ARFGEF2: variants seen among roughly 807,000 people sequenced by gnomAD.
ARFGEF2 encodes ARF guanine nucleotide exchange factor 2.
A neutral mutation model predicts 219.9 loss-of-function variants in ARFGEF2; 74 were observed. That is an observed-to-expected ratio of 0.34 (90% CI 0.28 to 0.41). ARFGEF2 has a LOEUF of 0.41. ARFGEF2 is among the 10% of genes least tolerant of loss of function. The probability of loss-of-function intolerance (pLI) is 1.00; values close to 1 mark genes in which losing one functional copy is unlikely to be tolerated. For synonymous variants in ARFGEF2, 733 were observed against 799.2 expected, an observed-to-expected ratio of 0.92 and a Z score of 1.40; for missense variants, 1,743 against 2,218.3, an observed-to-expected ratio of 0.79 and a Z score of 4.30.
In ARFGEF2 at chr20:48,978,788, A is replaced by G. The variant is rs369016763; in HGVS notation, c.1958+2589A>G. ...GGCTCTCAGTTTGTCTCTTATTGGC[A>G]TAAAGGAATACTTGTGATTTTTGCA... On this transcript the variant is annotated intron_variant, in intron 14 of 38. Coordinates refer to ENST00000371917, the MANE Select transcript of ARFGEF2 (RefSeq NM_006420.3). 1.1e-4 allele frequency among the ~76,000 whole-genome samples: 16 copies of G among 152,232 alleles called. 1 individual carries two copies. The highest frequency in any genetic ancestry group is 8.3e-4 in the South Asian group (4 of 4,822).
At chr20:48,997,265 T>TATTGATTG (rs11471982) in intron 23 of ARFGEF2, among the ~76,000 whole-genome samples, 26,582 of 150,856 alleles carry the variant, frequency 0.18, 2,423 homozygotes, top group African/African-American at 0.19. Flanking sequence ...ATATCTTATG[T>TATTGATTG]ATTGATTGAT....
intron 2 of ARFGEF2, among the ~76,000 whole-genome samples, chr20:48,941,516 A>G (rs901181353): frequency 2.0e-5 from 3 of 152,318 alleles, no homozygotes; most frequent in East Asian, 3.9e-4. Flanking sequence ...TGTCTCTTGT[A>G]TGGCCTGCTT....
intron 13 of ARFGEF2, 39 bp downstream of exon 13, chr20:48,974,913 A>G (rs779221816): frequency 2.0e-6 from 3 of 1,519,730 alleles, no homozygotes; most frequent in Non-Finnish European, 2.7e-6. Context: ...TCCATTCATA[A>G]TAGGCTCCTA....
intron 14 of ARFGEF2, among the ~76,000 whole-genome samples, chr20:48,980,659 G>C (rs2091289603): frequency 2.0e-5 from 3 of 152,166 alleles, no homozygotes; most frequent in Non-Finnish European, 4.4e-5. Context: ...TATGAATCTA[G>C]GTGCTCCCGT....
intron 34 of ARFGEF2, 85 bp downstream of exon 34, chr20:49,019,083 T>A: frequency 2.6e-6 from 3 of 1,157,152 alleles, no homozygotes; most frequent in Non-Finnish European, 3.8e-6. Context: ...GTAAACATGA[T>A]AAGCCTTCTT....
At position 49,018,874 on chromosome 20, in the gene ARFGEF2, T is replaced by C; in HGVS notation, c.4510-10T>C. The C allele has an allele frequency of 6.2e-7, 1 of 1,609,834 alleles. No individual in the cohort carries two copies. Among genetic ancestry groups the C allele is most frequent in the Non-Finnish European group, 8.5e-7 (1 of 1,176,308 alleles). On this transcript the variant is annotated splice_polypyrimidine_tract_variant and intron_variant, in intron 33 of 38. Coordinates refer to ENST00000371917, the MANE Select transcript of ARFGEF2 (RefSeq NM_006420.3). ...AGTGAGCATTGTGTTTCCCTCTGGT[T>C]TACATTTAGGATGTGGATCTGGACC...
intron 28 of ARFGEF2, among the ~76,000 whole-genome samples, chr20:49,012,359 C>T (rs1196701641): frequency 6.6e-6 from 1 of 152,170 alleles, no homozygotes; most frequent in Non-Finnish European, 1.5e-5. Context: ...TGTATTTTGG[C>T]AAAGCTCAAG....
chr20:49,029,104 C>T (rs1303435759), intron 37 of ARFGEF2, among the ~76,000 whole-genome samples: 1 of 152,150 alleles, frequency 6.6e-6, no homozygotes, highest in Non-Finnish European at 1.5e-5. Context: ...ATCATATAAC[C>T]AGGATGTGCC....
At chr20:48,977,505 C>T (rs891285242) in intron 14 of ARFGEF2, among the ~76,000 whole-genome samples, 1 of 152,178 alleles carries the variant, frequency 6.6e-6, no homozygotes, top group Non-Finnish European at 1.5e-5. Flanking sequence ...AATGGGATCG[C>T]TGAGTCAAAT....
At chr20:49,026,109 C>T (rs1039233635) in intron 36 of ARFGEF2, among the ~76,000 whole-genome samples, 2 of 151,278 alleles carry the variant, frequency 1.3e-5, no homozygotes, top group Non-Finnish European at 2.9e-5. Flanking sequence ...CTAAGGCAGG[C>T]GGATTGCTTG....
rs977446877 is a variant in ARFGEF2 at position 49,035,571 on chromosome 20, G to C, written c.*2372G>C. Reference sequence around the variant, plus strand: ...ATCTCTTCTTTCTCATGGTAAATGTGGCTTGTGCCACTCAAACACTAGTGA... The same window carrying C: ...ATCTCTTCTTTCTCATGGTAAATGTCGCTTGTGCCACTCAAACACTAGTGA... On this transcript the variant is annotated 3_prime_UTR_variant, in exon 39 of 39. Transcript: ENST00000371917. 2.6e-5 allele frequency: 4 copies of C among 152,112 alleles called. No individual in the cohort carries two copies. Among genetic ancestry groups the C allele is most frequent in the African/African-American group, 4.8e-5 (2 of 41,422 alleles). The allele number at this position is 152,112 out of a possible 1,614,324, so 9.4% of individuals were successfully genotyped here. A position where few individuals can be genotyped will look rare whatever the true frequency, so the allele number is the denominator to read the frequency against.
At chr20:48,974,710 G>A (rs1284967483) in intron 12 of ARFGEF2, 56 bp from the exon 13 acceptor site, 1 of 1,421,712 alleles carries the variant, frequency 7.0e-7, no homozygotes, top group African/African-American at 1.4e-5. Flanking sequence ...CCTCGTAGAT[G>A]TCTGTTCTCT....
At chr20:48,962,768 C>A (rs1390689373) in intron 6 of ARFGEF2, among the ~76,000 whole-genome samples, 2 of 152,196 alleles carry the variant, frequency 1.3e-5, no homozygotes, top group African/African-American at 4.8e-5. Flanking sequence ...ATACTTAGCA[C>A]TGCCCTCCGG....
chr20:48,955,503 G>A (rs1479087872), intron 6 of ARFGEF2, among the ~76,000 whole-genome samples: 1 of 152,204 alleles, frequency 6.6e-6, no homozygotes, highest in Non-Finnish European at 1.5e-5. Flanking sequence ...AATGGTGCCT[G>A]GCACACGCAG....
intron 1 of ARFGEF2, 93 bp downstream of exon 1, chr20:48,922,103 C>T: frequency 6.8e-7 from 1 of 1,479,300 alleles, no homozygotes; most frequent in Non-Finnish European, 9.0e-7. Flanking sequence ...TCCTGGCCTC[C>T]GCTTCCCCCC....
chr20:48,950,811 AAT>A (rs71184245), intron 3 of ARFGEF2, among the ~76,000 whole-genome samples: 1,351 of 64,214 alleles, frequency 0.021, 43 homozygotes, highest in East Asian at 0.037. Flanking sequence ...AAAAAAAAAA[AAT>A]ATATATATAT....
At chr20:48,993,975 GA>G (rs992428956) in intron 21 of ARFGEF2, among the ~76,000 whole-genome samples, 22 of 151,388 alleles carry the variant, frequency 1.5e-4, no homozygotes, top group Non-Finnish European at 2.4e-4. Flanking sequence ...TAAGCACTAA[GA>G]AAAAAAAAGT....
At chr20:48,931,587 G>A (rs2123281037) in intron 1 of ARFGEF2, among the ~76,000 whole-genome samples, 1 of 152,192 alleles carries the variant, frequency 6.6e-6, no homozygotes, top group African/African-American at 2.4e-5. Flanking sequence ...GGGGGTGGCA[G>A]TATTAGGTGC....
intron 6 of ARFGEF2, among the ~76,000 whole-genome samples, chr20:48,956,600 G>T (rs1276262516): frequency 5.3e-5 from 8 of 152,076 alleles, no homozygotes. Context: ...TTGAGAATGA[G>T]TCTCGCCATC....
Sources: gnomAD v4.1 joint callset for allele counts (sites outside exome capture counted in the v4.1 genomes callset) on GRCh38, gnomAD v4.1.1 for gene constraint, MANE v1.5 for transcripts, NCBI Gene and HGNC (gene_info 2026-07-23, HGNC 2026-07-21) for gene names.